The following ZC3H13 variants were observed in gnomAD, a reference collection of about 807,000 sequenced individuals.
ZC3H13 encodes the protein zinc finger CCCH domain-containing protein 13.
ZC3H13 carries 64 observed loss-of-function variants against 204.1 expected under a neutral mutation model. The observed-to-expected ratio is 0.31, with a 90% CI of 0.26 to 0.39. The LOEUF (loss-of-function observed/expected upper bound fraction) is 0.39, where lower values mean the gene tolerates loss of function less well. Ranked by LOEUF, ZC3H13 falls within the 10% of genes least tolerant of loss-of-function variation. The probability of loss-of-function intolerance (pLI) is 1.00; values close to 1 mark genes in which losing one functional copy is unlikely to be tolerated. For missense variants in ZC3H13, 1,833 were observed against 2,082.7 expected, an observed-to-expected ratio of 0.88 and a Z score of 2.33; for synonymous variants, 667 against 693.7, an observed-to-expected ratio of 0.96 and a Z score of 0.60.
At chr13:46,026,759 T>C (rs1040467136) in intron 4 of ZC3H13, among the ~76,000 whole-genome samples, 2 of 152,116 alleles carry the variant, frequency 1.3e-5, no homozygotes, top group African/African-American at 2.4e-5. Context: ...AAAATAACTG[T>C]CATAGTTTGA....
chr13:46,024,252 C>T (rs2042397353), intron 4 of ZC3H13, among the ~76,000 whole-genome samples: 1 of 152,122 alleles, frequency 6.6e-6, no homozygotes, highest in Non-Finnish European at 1.5e-5. Context: ...GACAGAATTT[C>T]CAACTTAATA....
intron 17 of ZC3H13, chr13:45,962,212 A>T: frequency 5.1e-6 from 5 of 985,448 alleles, no homozygotes; most frequent in Non-Finnish European, 6.0e-6. Flanking sequence ...TATTCAAGAT[A>T]ATACATCAGT....
intron 1 of ZC3H13, among the ~76,000 whole-genome samples, chr13:46,046,329 C>T (rs539602068): frequency 2.0e-5 from 3 of 151,886 alleles, no homozygotes; most frequent in South Asian, 2.1e-4. Flanking sequence ...TTTTATTTTA[C>T]GTTTAAGCTC....
Position 46,045,451 on chromosome 13 carries a change from G to A in ZC3H13, c.57C>T (p.Ser19=). 3 of 1,614,088 alleles carry A rather than the reference G, an allele frequency of 1.9e-6. No homozygotes were observed. Among genetic ancestry groups the A allele is most frequent in the Non-Finnish European group, 2.5e-6 (3 of 1,179,992 alleles). ...TVENTKTISD[S]TSRRPSVFER... The stretch of plus-strand genomic sequence containing the variant: ...CAAATACACTGGGTCTTCGGGATGT[G>A]CTATCAGATATAGTCTTGGTATTTT... Residue 19 remains serine, a synonymous_variant, in exon 2 of 19, where the codon AGC becomes AGT. Coordinates refer to ENST00000679008, the MANE Select transcript of ZC3H13 (RefSeq NM_001330564.2).
chr13:46,047,490 T>C (rs2044051195), intron 1 of ZC3H13, among the ~76,000 whole-genome samples: 1 of 152,174 alleles, frequency 6.6e-6, no homozygotes, highest in Non-Finnish European at 1.5e-5. Flanking sequence ...GGTGTTAGCA[T>C]TATAAGATAA....
At chr13:45,980,099 A>T in intron 10 of ZC3H13, 95 bp from the exon 11 acceptor site, 3 of 1,024,154 alleles carry the variant, frequency 2.9e-6, no homozygotes, top group Non-Finnish European at 4.0e-6. Flanking sequence ...TCACTAATAT[A>T]TATATTTAAT....
Position 45,985,450 on chromosome 13 carries a change from G to C in ZC3H13, c.1567C>G (p.Pro523Ala). Residue 523 changes from proline (P) to alanine (A), a missense_variant, in exon 10 of 19, where the codon CCA becomes GCA. Physicochemically the swap from Pro to Ala is conservative, Grantham distance 27 (BLOSUM62 -1). Around this residue, in one of 5 missense-constraint regions of ZC3H13, gnomAD observed 1,574 missense variants for 1,757.2 expected, o/e 0.90. Transcript: ENST00000679008. The part of the protein sequence containing the change: ...RDTHRKEDTY[P>A]EESRSYGRNH... ...CGGCCATAACTCCGGGATTCTTCTG[G>C]ATATGTATCCTCCTTTCGATGAGTA... 1 of 1,614,100 alleles carries C rather than the reference G, an allele frequency of 6.2e-7. No homozygotes were observed.
chr13:46,049,608 A>C (rs997135662), intron 1 of ZC3H13, among the ~76,000 whole-genome samples: 1 of 152,194 alleles, frequency 6.6e-6, no homozygotes, highest in African/African-American at 2.4e-5. Flanking sequence ...GCAGAAAAAC[A>C]TTTCCTTTTT....
At chr13:45,987,610 G>T (rs766836647) in intron 9 of ZC3H13, among the ~76,000 whole-genome samples, 2 of 151,788 alleles carry the variant, frequency 1.3e-5, no homozygotes, top group Non-Finnish European at 2.9e-5. Context: ...ATTCTCATCC[G>T]CCATTTTCTT....
At chr13:46,048,580 CAAAAAAAAA>C (rs56753264) in intron 1 of ZC3H13, among the ~76,000 whole-genome samples, 5 of 38,662 alleles carry the variant, frequency 1.3e-4, no homozygotes, top group South Asian at 1.8e-3. Flanking sequence ...GACTCCGCCT[CAAAAAAAAA>C]AAAAAAAAAA....
Position 45,985,506 on chromosome 13 carries a change from G to A in ZC3H13, c.1511C>T (p.Ala504Val). 8 of 1,614,160 alleles carry A rather than the reference G, an allele frequency of 5.0e-6. No homozygotes were observed. The highest frequency in any genetic ancestry group is 6.8e-6 in the Non-Finnish European group (8 of 1,180,034). Residue 504 changes from alanine (A) to valine (V), a missense_variant, in exon 10 of 19, where the codon GCC becomes GTC. This residue lies in a region of ZC3H13 where 1,574 missense variants were observed against 1,757.2 expected (regional missense o/e 0.90). Coordinates refer to ENST00000679008, the MANE Select transcript of ZC3H13 (RefSeq NM_001330564.2). ...DPRDSRSTRD[A>V]HDYRDREGRD... ...ACCTTCACGGTCCCTGTAGTCATGG[G>A]CATCACGAGTGGACCGAGAATCTCT...
chr13:45,967,892 G>A lies in ZC3H13; in HGVS notation c.3933C>T (p.Arg1311=), dbSNP rs148720994. ...ERDRYEHDRE[R]ERERRDTRQR... is the part of the protein sequence containing the mutation. ...GCCTCGTATCTCTCCTCTCTCTCTC[G>A]CGCTCTCTGTCGTGTTCATATCGAT... Residue 1311 remains arginine, a synonymous_variant, in exon 15 of 19, where the codon CGC becomes CGT. Coordinates refer to ENST00000679008, the MANE Select transcript of ZC3H13 (RefSeq NM_001330564.2). 51 of 1,613,216 alleles carry A rather than the reference G, an allele frequency of 3.2e-5. No individual in the cohort carries two copies. Among genetic ancestry groups the A allele is most frequent in the African/African-American group, 2.3e-4 (17 of 74,614 alleles).
At position 45,956,821 on chromosome 13, in the gene ZC3H13, G is replaced by C. The variant is rs1407531683; in HGVS notation, c.*306C>G. Reference sequence around the variant, plus strand: ...TTCCATTTCACAAAAATATTCATAGGCTGGAAGAGCAGTGACAACCATTTT... The same window carrying C: ...TTCCATTTCACAAAAATATTCATAGCCTGGAAGAGCAGTGACAACCATTTT... On this transcript the variant is annotated 3_prime_UTR_variant, in exon 19 of 19. Transcript: ENST00000679008. The C allele has an allele frequency of 1.1e-5, 2 of 183,418 alleles. No homozygotes were observed. Among genetic ancestry groups the C allele is most frequent in the Non-Finnish European group, 2.3e-5 (2 of 88,824 alleles). The allele number at this position is 183,418 out of a possible 1,614,324, so 11.4% of individuals were successfully genotyped here.
intron 11 of ZC3H13, chr13:45,976,203 C>G (rs1173637012): frequency 6.1e-6 from 6 of 985,040 alleles, no homozygotes; most frequent in Non-Finnish European, 2.4e-6. Context: ...TCTGTCCCCC[C>G]AGCAGGACCT....
intron 8 of ZC3H13, among the ~76,000 whole-genome samples, chr13:45,989,433 T>G (rs2039807639): frequency 6.6e-6 from 1 of 152,124 alleles, no homozygotes; most frequent in South Asian, 2.1e-4. Flanking sequence ...GAACAAATAC[T>G]TAGAGGGAGA....
intron 12 of ZC3H13, 80 bp downstream of exon 12, chr13:45,975,203 T>C (rs1443904224): frequency 6.6e-7 from 1 of 1,513,636 alleles, no homozygotes; most frequent in Admixed American, 2.1e-5. Flanking sequence ...AAATTAAGAG[T>C]ATATTGAAAA....
At chr13:46,031,855 A>C (rs991805328) in intron 4 of ZC3H13, among the ~76,000 whole-genome samples, 8 of 152,234 alleles carry the variant, frequency 5.3e-5, no homozygotes, top group Non-Finnish European at 1.2e-4. Context: ...TCACTTTAGA[A>C]GATAGTTGGC....
At chr13:46,016,806 T>TAAG (rs2041936875) in intron 5 of ZC3H13, among the ~76,000 whole-genome samples, 1 of 152,134 alleles carries the variant, frequency 6.6e-6, no homozygotes, top group African/African-American at 2.4e-5. Flanking sequence ...GACAAGACTA[T>TAAG]AAGCAAGGGA....
chr13:46,025,961 C>A (rs1279080804), intron 4 of ZC3H13, among the ~76,000 whole-genome samples: 1 of 151,054 alleles, frequency 6.6e-6, no homozygotes, highest in African/African-American at 2.4e-5. Flanking sequence ...AACGTTAGAC[C>A]AACAGCCTGC....
Sources: gnomAD v4.1 joint callset for allele counts (sites outside exome capture counted in the v4.1 genomes callset) on GRCh38, gnomAD v4.1.1 for gene constraint, gnomAD v4.1.1 regional missense constraint, MANE v1.5 for transcripts, NCBI Gene and HGNC (gene_info 2026-07-23, HGNC 2026-07-21) for gene names.